ANKS1B: variants seen among roughly 807,000 people sequenced by gnomAD.
The protein encoded by ANKS1B is ankyrin repeat and sterile alpha motif domain-containing protein 1B.
Under a neutral mutation model 148.3 loss-of-function variants are expected in ANKS1B, and 36 were observed. The ratio of observed to expected loss-of-function variants is 0.24; its 90% CI spans 0.19 to 0.32. ANKS1B has a LOEUF of 0.32. ANKS1B is among the 10% of genes least tolerant of loss of function. ANKS1B has a pLI of 1.00. For synonymous variants in ANKS1B, 542 were observed against 560.8 expected (o/e 0.97, Z 0.47); for missense variants, 1,157 against 1,542.6 (o/e 0.75, Z 4.19).
At chr12:99,864,915 G>A (rs2090530539) in intron 1 of ANKS1B, among the ~76,000 whole-genome samples, 1 of 152,224 alleles carries the variant, frequency 6.6e-6, no homozygotes, top group South Asian at 2.1e-4. Flanking sequence ...AACAATTGCA[G>A]CTTTCCTCTA....
At chr12:98,918,069 T>C (rs1038412050) in intron 17 of ANKS1B, among the ~76,000 whole-genome samples, 14 of 152,366 alleles carry the variant, frequency 9.2e-5, no homozygotes, top group Middle Eastern at 3.4e-3. Context: ...AGTGGAACTA[T>C]GCTATACAGG....
At chr12:99,922,422 A>C (rs959921934) in intron 1 of ANKS1B, among the ~76,000 whole-genome samples, 3 of 151,978 alleles carry the variant, frequency 2.0e-5, no homozygotes, top group Non-Finnish European at 4.4e-5. Flanking sequence ...CAAGAGTAGG[A>C]AAAAAAACAT....
intron 4 of ANKS1B, among the ~76,000 whole-genome samples, chr12:99,790,848 A>G (rs1602216558): frequency 6.6e-6 from 1 of 152,038 alleles, no homozygotes; most frequent in East Asian, 1.9e-4. Flanking sequence ...GGAAGAAAGG[A>G]AAAAAGGAAG....
At chr12:99,226,574 A>G (rs191247575) in intron 14 of ANKS1B, among the ~76,000 whole-genome samples, 1 of 152,244 alleles carries the variant, frequency 6.6e-6, no homozygotes, top group South Asian at 2.1e-4. Flanking sequence ...TCATAGGAAT[A>G]TAATACACAT....
At chr12:99,770,611 C>G (rs2063102940) in intron 8 of ANKS1B, among the ~76,000 whole-genome samples, 1 of 152,060 alleles carries the variant, frequency 6.6e-6, no homozygotes, top group Non-Finnish European at 1.5e-5. Flanking sequence ...TCAGATTCAT[C>G]TTCTGAAAGG....
intron 12 of ANKS1B, among the ~76,000 whole-genome samples, chr12:99,396,074 A>T (rs1332740584): frequency 2.6e-5 from 4 of 152,174 alleles, no homozygotes; most frequent in Non-Finnish European, 5.9e-5. Context: ...TAAAAACAAA[A>T]ATAATATTAA....
At chr12:99,543,442 C>T (rs2097145231) in intron 9 of ANKS1B, among the ~76,000 whole-genome samples, 1 of 151,968 alleles carries the variant, frequency 6.6e-6, no homozygotes, top group Non-Finnish European at 1.5e-5. Context: ...TATAGAGTTA[C>T]CATATGACTC....
At chr12:99,289,100 A>G (rs950978379) in intron 12 of ANKS1B, among the ~76,000 whole-genome samples, 1 of 152,134 alleles carries the variant, frequency 6.6e-6, no homozygotes, top group African/African-American at 2.4e-5. Context: ...TGAAAGCCAA[A>G]AAAAGGGCAG....
At chr12:98,972,154 C>T (rs985538606) in intron 17 of ANKS1B, among the ~76,000 whole-genome samples, 7 of 151,820 alleles carry the variant, frequency 4.6e-5, no homozygotes, top group African/African-American at 9.7e-5. Context: ...GGCAACACAG[C>T]GAGACTCTGT....
chr12:98,876,670 T>C (rs1169909295), intron 17 of ANKS1B, among the ~76,000 whole-genome samples: 2 of 152,234 alleles, frequency 1.3e-5, no homozygotes, highest in African/African-American at 2.4e-5. Flanking sequence ...TTTGGGTTTC[T>C]TTTGACAATA....
chr12:99,107,837 C>A (rs2372719), intron 15 of ANKS1B, among the ~76,000 whole-genome samples: 97,444 of 152,022 alleles, frequency 0.64, 31,530 homozygotes, highest in East Asian at 0.89. Flanking sequence ...GAGTAGATAA[C>A]TAACACAGAT....
chr12:99,303,139 T>C (rs1211428677), intron 12 of ANKS1B, among the ~76,000 whole-genome samples: 2 of 152,170 alleles, frequency 1.3e-5, no homozygotes, highest in East Asian at 3.8e-4. Flanking sequence ...GCCATGTGAT[T>C]AGAAATGTAC....
intron 12 of ANKS1B, among the ~76,000 whole-genome samples, chr12:99,363,876 T>C (rs934382971): frequency 6.6e-6 from 1 of 152,152 alleles, no homozygotes; most frequent in Non-Finnish European, 1.5e-5. Flanking sequence ...GATATATTCA[T>C]TTGAGACCAC....
At chr12:98,838,944 AG>A (rs2099390538) in intron 17 of ANKS1B, among the ~76,000 whole-genome samples, 1 of 152,238 alleles carries the variant, frequency 6.6e-6, no homozygotes, top group Admixed American at 6.5e-5. Context: ...GAAAGCATCA[AG>A]GCAAAAGTGC....
rs566589605 is a variant in ANKS1B, at chr12:99,408,972, G to T, written c.1576-9161C>A. Among the ~76,000 whole-genome samples the T allele has an allele frequency of 7.1e-5, 8 of 111,926 alleles. 1 individual carries two copies. The highest frequency in any genetic ancestry group is 8.4e-5 in the Admixed American group (1 of 11,840). 73.4% of individuals were successfully genotyped at this position (111,926 alleles called of 152,430 possible). A position where few individuals can be genotyped will look rare whatever the true frequency, so the allele number is the denominator to read the frequency against. On this transcript the variant is annotated intron_variant, in intron 11 of 26. Coordinates refer to ENST00000683438, the MANE Select transcript of ANKS1B (RefSeq NM_001352186.2). The stretch of plus-strand genomic sequence containing the variant: ...GAGGTTCCTTAAATAACTAGAAATA[G>T]AACTACCATATGATCCTGCAGTCAC...
intron 14 of ANKS1B, among the ~76,000 whole-genome samples, chr12:99,169,937 C>T (rs1410459848): frequency 6.6e-6 from 1 of 152,164 alleles, no homozygotes; most frequent in Non-Finnish European, 1.5e-5. Flanking sequence ...TGTCCTTTTG[C>T]AGGAGTGAGA....
chr12:99,792,085 T>G (rs1280409048), intron 4 of ANKS1B, among the ~76,000 whole-genome samples: 2 of 151,760 alleles, frequency 1.3e-5, no homozygotes, highest in African/African-American at 4.8e-5. Flanking sequence ...ATCACAGAAA[T>G]TCAAAGGATC....
At chr12:99,024,812 C>G (rs976971900) in intron 17 of ANKS1B, among the ~76,000 whole-genome samples, 2 of 152,122 alleles carry the variant, frequency 1.3e-5, no homozygotes, top group Non-Finnish European at 2.9e-5. Flanking sequence ...GGCCTGTACA[C>G]CCCCAGGGAA....
At chr12:98,816,515 C>A (rs2099142254) in intron 19 of ANKS1B, among the ~76,000 whole-genome samples, 1 of 152,158 alleles carries the variant, frequency 6.6e-6, no homozygotes, top group South Asian at 2.1e-4. Flanking sequence ...AGGTCTCGGA[C>A]TCCTGGCCTT....
Sources: allele counts gnomAD v4.1 joint callset (sites outside exome capture counted in the v4.1 genomes callset), GRCh38; gene constraint gnomAD v4.1.1; transcripts MANE v1.5; gene names NCBI Gene and HGNC (gene_info 2026-07-23, HGNC 2026-07-21).